LRGUK: variants seen among roughly 807,000 people sequenced by gnomAD.
LRGUK encodes the protein leucine-rich repeat and guanylate kinase domain-containing protein.
A neutral mutation model predicts 76.0 loss-of-function variants in LRGUK; 65 were observed. That is an observed-to-expected ratio of 0.85 (90% CI 0.70 to 1.05). LRGUK has a LOEUF of 1.05. LRGUK is among the 50% of genes least tolerant of loss of function. The pLI, the probability that LRGUK is intolerant of heterozygous loss-of-function variation, is 0.00. For missense variants in LRGUK, 758 were observed against 732.8 expected (o/e 1.03, Z -0.40); for synonymous variants, 268 against 265.6 (o/e 1.01, Z -0.09).
intron 15 of LRGUK, 46 bp downstream of exon 15, chr7:134,201,622 G>A (rs765214486): frequency 1.4e-6 from 2 of 1,422,462 alleles, no homozygotes; most frequent in South Asian, 2.4e-5. Context: ...TTTTTTCATG[G>A]AAAGGAAAAC....
chr7:134,131,537 C>T (rs1384165893), intron 1 of LRGUK, among the ~76,000 whole-genome samples: 8 of 152,090 alleles, frequency 5.3e-5, no homozygotes, highest in Admixed American at 3.3e-4. Context: ...CTTTTCCTAC[C>T]GATGAGTTAC....
At chr7:134,173,741 A>G (rs1319039671) in intron 7 of LRGUK, among the ~76,000 whole-genome samples, 2 of 152,218 alleles carry the variant, frequency 1.3e-5, no homozygotes, top group Admixed American at 6.5e-5. Flanking sequence ...CCATCAAGAA[A>G]TATGTCATAC....
chr7:134,181,143 G>A (rs1452206989), intron 10 of LRGUK, among the ~76,000 whole-genome samples: 1 of 152,136 alleles, frequency 6.6e-6, no homozygotes, highest in African/African-American at 2.4e-5. Flanking sequence ...GATGTCCCTT[G>A]AGTCACTTTG....
At chr7:134,135,797 AG>A (rs1320924051) in intron 1 of LRGUK, among the ~76,000 whole-genome samples, 1 of 152,156 alleles carries the variant, frequency 6.6e-6, no homozygotes, top group African/African-American at 2.4e-5. Flanking sequence ...CTGGGACTCC[AG>A]GCGCCCGCCA....
chr7:134,176,623 G>T (rs1477989124), intron 8 of LRGUK, among the ~76,000 whole-genome samples: 1 of 152,074 alleles, frequency 6.6e-6, no homozygotes, highest in East Asian at 1.9e-4. Flanking sequence ...CTCGTGATCT[G>T]CCTGCCTTGG....
At chr7:134,233,019 T>G (rs1801937211) in intron 16 of LRGUK, among the ~76,000 whole-genome samples, 1 of 152,166 alleles carries the variant, frequency 6.6e-6, no homozygotes, top group Non-Finnish European at 1.5e-5. Flanking sequence ...AAAAAAAAAG[T>G]GCACAGCTCT....
At position 134,158,146 on chromosome 7, in the gene LRGUK, A is replaced by G. The variant is rs766637286; in HGVS notation, c.782A>G (p.Lys261Arg). The G allele has an allele frequency of 5.6e-6, 9 of 1,612,464 alleles. No homozygotes were observed. In the East Asian group the frequency reaches 2.0e-4, roughly 36 times the overall value. Residue 261 changes from lysine (K) to arginine (R), a missense_variant, in exon 6 of 16, where the codon AAA becomes AGA. By Grantham distance (26) the Lys-to-Arg change is conservative. Transcript: ENST00000645682. ...AATGGCTTAAACAAGTTACCAATCA[A>G]AATACTTTGTCTGGTGAGTCTAACA...
chr7:134,184,576 A>C (rs1198319595), intron 11 of LRGUK, among the ~76,000 whole-genome samples: 1 of 151,968 alleles, frequency 6.6e-6, no homozygotes, highest in African/African-American at 2.4e-5. Flanking sequence ...ACCGAAACAA[A>C]ATAATTTTTC....
downstream of LRGUK, among the ~76,000 whole-genome samples, chr7:134,211,825 A>G (rs542331579): frequency 1.3e-3 from 200 of 152,306 alleles, no homozygotes; most frequent in African/African-American, 4.6e-3. Context: ...CTGTGACTCT[A>G]TTAGAAGGGA....
At chr7:134,185,803 T>C (rs1799959836) in intron 11 of LRGUK, among the ~76,000 whole-genome samples, 2 of 152,256 alleles carry the variant, frequency 1.3e-5, no homozygotes, top group African/African-American at 4.8e-5. Context: ...TTCAAACAGG[T>C]CCATTTATTT....
chr7:134,251,693 G>C (rs1802450856), intron 18 of LRGUK, among the ~76,000 whole-genome samples: 1 of 151,846 alleles, frequency 6.6e-6, no homozygotes, highest in East Asian at 1.9e-4. Context: ...TTATCACTTT[G>C]GGTTATTGCA....
intron 10 of LRGUK, among the ~76,000 whole-genome samples, chr7:134,181,326 C>T (rs1399389797): frequency 6.6e-6 from 1 of 151,900 alleles, no homozygotes; most frequent in Non-Finnish European, 1.5e-5. Flanking sequence ...AAATGTTACT[C>T]CATTGTCTTT....
intron 9 of LRGUK, 57 bp from the exon 10 acceptor site, chr7:134,178,446 G>A (rs1429587858): frequency 2.2e-5 from 30 of 1,354,824 alleles, no homozygotes; most frequent in Non-Finnish European, 6.2e-6. Context: ...TCCAAGCTTT[G>A]TCTTCTTTTT....
chr7:134,178,916 A>G (rs572861266), intron 10 of LRGUK, among the ~76,000 whole-genome samples: 3 of 150,790 alleles, frequency 2.0e-5, no homozygotes, highest in Non-Finnish European at 3.0e-5. Context: ...GCCACACAAC[A>G]GTGAAATCTC....
chr7:134,242,217 A>G (rs1802176181), intron 16 of LRGUK, among the ~76,000 whole-genome samples: 1 of 152,234 alleles, frequency 6.6e-6, no homozygotes, highest in African/African-American at 2.4e-5. Flanking sequence ...GCAGAACTGA[A>G]GGAGATAGAG....
the LRGUK span, among the ~76,000 whole-genome samples, chr7:134,270,567 G>A: frequency 6.6e-6 from 1 of 151,762 alleles, no homozygotes; most frequent in Non-Finnish European, 1.5e-5. Flanking sequence ...TACACTTTTG[G>A]TATATATGTG....
intron 16 of LRGUK, among the ~76,000 whole-genome samples, chr7:134,222,993 G>C (rs2117157579): frequency 6.6e-6 from 1 of 152,274 alleles, no homozygotes; most frequent in African/African-American, 2.4e-5. Flanking sequence ...GATTACTTCA[G>C]GCAAAAAGTC....
At chr7:134,266,297 C>T (rs1802854086), downstream of LRGUK, among the ~76,000 whole-genome samples, 1 of 152,146 alleles carries the variant, frequency 6.6e-6, no homozygotes, top group Non-Finnish European at 1.5e-5. Flanking sequence ...TATATGCCCA[C>T]ACCAAAATGA....
At chr7:134,273,530 C>T in the LRGUK span, among the ~76,000 whole-genome samples, 2 of 151,688 alleles carry the variant, frequency 1.3e-5, no homozygotes, top group East Asian at 3.9e-4. Context: ...TTTTAAGTCC[C>T]CAGAGTGAGT....
Sources: allele counts gnomAD v4.1 joint callset (sites outside exome capture counted in the v4.1 genomes callset), GRCh38; gene constraint gnomAD v4.1.1; transcripts MANE v1.5; gene names NCBI Gene and HGNC (gene_info 2026-07-23, HGNC 2026-07-21).